SGK1: variants seen among roughly 807,000 people sequenced by gnomAD.
SGK1 encodes serine/threonine-protein kinase Sgk1.
A neutral mutation model predicts 64.2 loss-of-function variants in SGK1; 26 were observed. The observed-to-expected ratio is 0.40, with a 90% CI of 0.30 to 0.56. The LOEUF (loss-of-function observed/expected upper bound fraction) is 0.56. Ranked by LOEUF, SGK1 falls within the 20% of genes least tolerant of loss-of-function variation. The pLI, the probability that SGK1 is intolerant of heterozygous loss-of-function variation, is 0.38. For synonymous variants in SGK1, 265 were observed against 239.7 expected, an observed-to-expected ratio of 1.11 and a Z score of -0.98; for missense variants, 519 against 645.6, an observed-to-expected ratio of 0.80 and a Z score of 2.12.
chr6:134,235,015 A>G (rs1167892253), intron 2 of SGK1, among the ~76,000 whole-genome samples: 1 of 152,240 alleles, frequency 6.6e-6, no homozygotes, highest in Non-Finnish European at 1.5e-5. Flanking sequence ...AATTTTCTTG[A>G]AGAGAAGACC....
At chr6:134,298,543 C>T in intron 1 of SGK1, 2 of 815,192 alleles carry the variant, frequency 2.5e-6, no homozygotes, top group Non-Finnish European at 2.1e-6. Context: ...CCATAGCCTC[C>T]ACCCAGGCTA....
At chr6:134,305,287 A>G (rs569948369) in intron 1 of SGK1, among the ~76,000 whole-genome samples, 2 of 144,232 alleles carry the variant, frequency 1.4e-5, no homozygotes, top group Non-Finnish European at 3.0e-5. Context: ...TGAACCCCAG[A>G]GGCGGAGGTT....
chr6:134,270,581 A>G (rs1368709652), intron 1 of SGK1, among the ~76,000 whole-genome samples: 1 of 148,146 alleles, frequency 6.8e-6, no homozygotes, highest in African/African-American at 2.4e-5. Flanking sequence ...AGATGGAGTG[A>G]CTTTTAGAAT....
At chr6:134,184,752 C>T (rs933251671) in intron 3 of SGK1, among the ~76,000 whole-genome samples, 12 of 152,210 alleles carry the variant, frequency 7.9e-5, no homozygotes, top group African/African-American at 2.6e-4. Context: ...GCTGTAATCA[C>T]GGCTCACCAC....
At position 134,170,877 on chromosome 6, in the gene SGK1, G is replaced by A; in HGVS notation, c.1362C>T (p.Asn454=). Residue 454 remains asparagine, a synonymous_variant, in exon 13 of 14, where the codon AAC becomes AAT. Coordinates refer to ENST00000367858, the MANE Select transcript of SGK1 (RefSeq NM_001143676.3). ...IKSHVFFSLI[N]WDDLINKKIT... ...TCTTCTTATTAATGAGATCATCCCA[G>A]TTAATTAAGGAGAAGAAGACATGAC... The A allele has an allele frequency of 6.2e-7, 1 of 1,611,818 alleles. No homozygotes were observed. Among genetic ancestry groups the A allele is most frequent in the Non-Finnish European group, 8.5e-7 (1 of 1,177,960 alleles).
At chr6:134,221,371 G>A (rs1057429952) in intron 2 of SGK1, among the ~76,000 whole-genome samples, 14 of 152,282 alleles carry the variant, frequency 9.2e-5, no homozygotes, top group South Asian at 4.1e-4. Flanking sequence ...TATGGCAAAA[G>A]TAAAAAGACT....
intron 2 of SGK1, chr6:134,261,692 G>A: frequency 1.7e-6 from 1 of 604,822 alleles, no homozygotes; most frequent in South Asian, 2.1e-5. Context: ...AAGCGTATAT[G>A]GGTAATCTCT....
chr6:134,254,176 G>A (rs1414854623), intron 2 of SGK1, among the ~76,000 whole-genome samples: 1 of 149,210 alleles, frequency 6.7e-6, no homozygotes, highest in Non-Finnish European at 1.5e-5. Flanking sequence ...GCTAATAAAG[G>A]CAAAAAGAAA....
chr6:134,170,022 T>TCGTTTC lies in SGK1; in HGVS notation c.*245_*246insGAAACG. The TCGTTTC allele has an allele frequency of 3.2e-6, 1 of 313,330 alleles. No homozygotes were observed. The highest frequency in any genetic ancestry group is 5.2e-5 in the East Asian group (1 of 19,110). The allele number at this position is 313,330 out of a possible 1,614,324, so 19.4% of individuals were successfully genotyped here. A position where few individuals can be genotyped will look rare whatever the true frequency, so the allele number is the denominator to read the frequency against. On this transcript the variant is annotated 3_prime_UTR_variant, in exon 14 of 14. Transcript: ENST00000367858. ...CCTGCCTCCGTCTAAGGCGGCACTC[T>TCGTTTC]AACGCTCGTTTCAGAGATAGCACCA...
intron 2 of SGK1, among the ~76,000 whole-genome samples, chr6:134,243,533 C>T (rs1241801016): frequency 1.3e-5 from 2 of 152,036 alleles, no homozygotes; most frequent in African/African-American, 2.4e-5. Flanking sequence ...ACATGCTCGG[C>T]TAAGTTTGTA....
chr6:134,250,110 A>G (rs1776585120), intron 2 of SGK1, among the ~76,000 whole-genome samples: 1 of 152,226 alleles, frequency 6.6e-6, no homozygotes, highest in Non-Finnish European at 1.5e-5. Context: ...TCAAGTCAAA[A>G]GGAAAACAAC....
intron 10 of SGK1, chr6:134,171,953 G>A (rs958967778): frequency 3.2e-6 from 2 of 629,818 alleles, no homozygotes; most frequent in Non-Finnish European, 5.5e-6. Flanking sequence ...CTCTTACTTA[G>A]GGATTTAGAA....
At chr6:134,298,775 C>T (rs1231412839) in intron 1 of SGK1, 2 of 376,138 alleles carry the variant, frequency 5.3e-6, no homozygotes, top group African/African-American at 4.9e-5. Flanking sequence ...TTCTTGATAG[C>T]ATTCAGCTCT....
At chr6:134,181,429 C>G (rs1280850408) in intron 3 of SGK1, among the ~76,000 whole-genome samples, 1 of 152,172 alleles carries the variant, frequency 6.6e-6, no homozygotes, top group African/African-American at 2.4e-5. Flanking sequence ...ACTGCACCCT[C>G]TGCTTCCCTG....
chr6:134,254,135 A>C (rs1356751591), intron 2 of SGK1, among the ~76,000 whole-genome samples: 1 of 151,730 alleles, frequency 6.6e-6, no homozygotes, highest in Non-Finnish European at 1.5e-5. Flanking sequence ...TTTCAAAAAA[A>C]AAAAAATGCA....
intron 1 of SGK1, 61 bp downstream of exon 1, chr6:134,317,331 C>T (rs912292967): frequency 1.2e-5 from 13 of 1,074,096 alleles, no homozygotes; most frequent in Non-Finnish European, 1.7e-5. Context: ...TTCAGGCAAA[C>T]ATTCAAAAGC....
chr6:134,260,368 A>ACCCCCCCCCCCC (rs1427611267), intron 2 of SGK1: 3 of 57,402 alleles, frequency 5.2e-5, no homozygotes, highest in Non-Finnish European at 7.4e-5. Context: ...CCTGTCCCCG[A>ACCCCCCCCCCCC]CCCCCACCCC....
At chr6:134,237,845 T>C (rs1776387344) in intron 2 of SGK1, among the ~76,000 whole-genome samples, 1 of 152,194 alleles carries the variant, frequency 6.6e-6, no homozygotes, top group Admixed American at 6.5e-5. Flanking sequence ...CAAGCAATAG[T>C]ATACTGAAGA....
At chr6:134,245,620 C>A (rs1295192614) in intron 2 of SGK1, among the ~76,000 whole-genome samples, 2 of 152,108 alleles carry the variant, frequency 1.3e-5, no homozygotes, top group Non-Finnish European at 2.9e-5. Flanking sequence ...TTTGGGAGGC[C>A]AAAGTGGGTG....
Sources: allele counts gnomAD v4.1 joint callset (sites outside exome capture counted in the v4.1 genomes callset), GRCh38; gene constraint gnomAD v4.1.1; transcripts MANE v1.5; gene names NCBI Gene and HGNC (gene_info 2026-07-23, HGNC 2026-07-21).